WASF2: variants seen among roughly 807,000 people sequenced by gnomAD.
The protein encoded by WASF2 is actin-binding protein WASF2.
A neutral mutation model predicts 45.0 loss-of-function variants in WASF2; 14 were observed. The observed-to-expected ratio is 0.31, with a 90% CI of 0.21 to 0.49. WASF2 has a LOEUF of 0.49. Ranked by LOEUF, WASF2 falls within the 20% of genes least tolerant of loss-of-function variation. The probability of loss-of-function intolerance (pLI) is 0.99; values close to 1 mark genes in which losing one functional copy is unlikely to be tolerated. For synonymous variants in WASF2, 200 were observed against 236.3 expected, an observed-to-expected ratio of 0.85 and a Z score of 1.41; for missense variants, 439 against 636.1, an observed-to-expected ratio of 0.69 and a Z score of 3.33.
At chr1:27,476,918 C>T (rs2017773805) in intron 1 of WASF2, among the ~76,000 whole-genome samples, 1 of 152,108 alleles carries the variant, frequency 6.6e-6, no homozygotes, top group Admixed American at 6.6e-5. Context: ...AATTCAGTGA[C>T]AGAAAAATAG....
intron 1 of WASF2, among the ~76,000 whole-genome samples, chr1:27,488,241 G>C (rs189570187): frequency 2.0e-5 from 3 of 152,042 alleles, no homozygotes; most frequent in Non-Finnish European, 2.9e-5. Flanking sequence ...TTAACCAAAA[G>C]CTCTGAGGTT....
At position 27,456,441 on chromosome 1, in the gene WASF2, A is replaced by G. The variant is rs888544282; in HGVS notation, c.-43-27508T>C. 2.0e-5 allele frequency among the ~76,000 whole-genome samples: 3 copies of G among 152,096 alleles called. No homozygotes were observed. The South Asian group carries it at 6.2e-4, about 32-fold the overall frequency. ...GGAGTAGGAGCTAATGAAAAAGAAA[A>G]CAGGACAACTGGGTCCCCTTAGTAG... On this transcript the variant is annotated intron_variant, in intron 1 of 8. Transcript: ENST00000618852.
intron 1 of WASF2, among the ~76,000 whole-genome samples, chr1:27,480,743 G>A (rs767287435): frequency 2.0e-5 from 3 of 152,098 alleles, no homozygotes; most frequent in Non-Finnish European, 2.9e-5. Flanking sequence ...GGCCAGGTGC[G>A]GTGGCTCACG....
chr1:27,409,480 TAA>T (rs1391613601), intron 8 of WASF2, among the ~76,000 whole-genome samples: 2 of 149,470 alleles, frequency 1.3e-5, no homozygotes, highest in African/African-American at 4.9e-5. Flanking sequence ...TCCTTTACTT[TAA>T]ACCAAGGTGG....
intron 1 of WASF2, among the ~76,000 whole-genome samples, chr1:27,444,519 C>G (rs2017287633): frequency 6.6e-6 from 1 of 152,044 alleles, no homozygotes; most frequent in South Asian, 2.1e-4. Context: ...GACCTACCTC[C>G]TAGTAATGAA....
Position 27,410,005 on chromosome 1 carries a change from C to A in WASF2, c.1026G>T (p.Gly342=), listed in dbSNP as rs1273100240. ...AGGGTGGTGGAGGCGTCCCTGGAGACCCAAATCCTACAGGCGGTGGTGGAG... is the reference window on the plus strand; with the variant it reads ...AGGGTGGTGGAGGCGTCCCTGGAGAACCAAATCCTACAGGCGGTGGTGGAG... ...IPPPPPPVGF[G]SPGTPPPPSP... Residue 342 remains glycine, a synonymous_variant, in exon 8 of 9, where the codon GGG becomes GGT. Coordinates refer to ENST00000618852, the MANE Select transcript of WASF2 (RefSeq NM_006990.5). The surrounding 1 kb of genome is among the most constrained non-coding windows in gnomAD (Gnocchi z 4.2). 1.2e-6 allele frequency: 2 copies of A among 1,613,440 alleles called. No homozygotes were observed. The highest frequency in any genetic ancestry group is 2.2e-5 in the South Asian group (2 of 90,992).
chr1:27,477,622 G>A (rs1008247557), intron 1 of WASF2, among the ~76,000 whole-genome samples: 12 of 104,144 alleles, frequency 1.2e-4, no homozygotes, highest in African/African-American at 1.7e-4. Context: ...TAAATCGGCC[G>A]GGCGCGGTGG....
chr1:27,427,070 CTCTTAT>C (rs1161643955), intron 2 of WASF2, among the ~76,000 whole-genome samples: 13 of 152,218 alleles, frequency 8.5e-5, no homozygotes, highest in East Asian at 5.8e-4. Context: ...TTATTATTGC[CTCTTAT>C]TCTTATTCTT....
intron 1 of WASF2, among the ~76,000 whole-genome samples, chr1:27,463,401 G>A (rs1020220645): frequency 9.9e-5 from 15 of 152,004 alleles, no homozygotes; most frequent in Admixed American, 7.2e-4. Context: ...TGAGGCAGGC[G>A]GATCTTGAGG....
At chr1:27,432,238 C>T (rs1160194372) in intron 1 of WASF2, among the ~76,000 whole-genome samples, 1 of 152,132 alleles carries the variant, frequency 6.6e-6, no homozygotes, top group African/African-American at 2.4e-5. Flanking sequence ...GGAGTCGACA[C>T]ATTCTTAGGT....
intron 1 of WASF2, among the ~76,000 whole-genome samples, chr1:27,466,002 G>A (rs2017607319): frequency 1.3e-5 from 2 of 152,214 alleles, no homozygotes; most frequent in Admixed American, 6.5e-5. Context: ...TAACTGCAAT[G>A]GATTAAAACA....
chr1:27,456,922 A>G (rs951633877), intron 1 of WASF2, among the ~76,000 whole-genome samples: 2 of 151,744 alleles, frequency 1.3e-5, no homozygotes, highest in African/African-American at 4.8e-5. Flanking sequence ...TTGTATTTTT[A>G]GTAGAGATGG....
chr1:27,439,195 A>C (rs928578509), intron 1 of WASF2, among the ~76,000 whole-genome samples: 2 of 152,228 alleles, frequency 1.3e-5, no homozygotes, highest in African/African-American at 4.8e-5. Context: ...TAGCCTGTTA[A>C]ATCATTATCA....
chr1:27,425,783 G>A (rs1297745804), intron 2 of WASF2, among the ~76,000 whole-genome samples: 1 of 148,924 alleles, frequency 6.7e-6, no homozygotes, highest in African/African-American at 2.5e-5. Flanking sequence ...AGCTTGCAGT[G>A]AGCCGAGGTG....
chr1:27,413,868 T>C (rs2016795646), intron 6 of WASF2, among the ~76,000 whole-genome samples: 1 of 152,240 alleles, frequency 6.6e-6, no homozygotes. Context: ...TCAGGGCTGA[T>C]TTCCCAGTAG....
intron 2 of WASF2, among the ~76,000 whole-genome samples, chr1:27,422,789 T>C: frequency 6.6e-6 from 1 of 151,992 alleles, no homozygotes; most frequent in East Asian, 1.9e-4. Context: ...AAAATGTGAG[T>C]TGTTACAATG....
At chr1:27,442,727 G>T (rs1311397903) in intron 1 of WASF2, among the ~76,000 whole-genome samples, 1 of 151,872 alleles carries the variant, frequency 6.6e-6, no homozygotes, top group Non-Finnish European at 1.5e-5. Flanking sequence ...AAAGGGCCGG[G>T]CGTGGTGGCT....
chr1:27,410,997 T>G lies in WASF2; in HGVS notation c.825-791A>C, dbSNP rs1009425661. Among the ~76,000 whole-genome samples the G allele has an allele frequency of 6.6e-6, 1 of 152,192 alleles. No individual in the cohort carries two copies. The highest frequency in any genetic ancestry group is 1.5e-5 in the Non-Finnish European group (1 of 68,018). On this transcript the variant is annotated intron_variant, in intron 7 of 8. Coordinates refer to ENST00000618852, the MANE Select transcript of WASF2 (RefSeq NM_006990.5). The surrounding 1 kb of genome is among the most constrained non-coding windows in gnomAD (Gnocchi z 4.2). ...CTACCCTGCACTAACAGCTACTCCTTAGAAAAGCAGCCATTTTGGAATTTT... is the reference window on the plus strand; with the variant it reads ...CTACCCTGCACTAACAGCTACTCCTGAGAAAAGCAGCCATTTTGGAATTTT...
Position 27,478,067 on chromosome 1 carries a change from C to T in WASF2, c.-44+11919G>A, listed in dbSNP as rs1454197135. On this transcript the variant is annotated intron_variant, in intron 1 of 8. Coordinates refer to ENST00000618852, the MANE Select transcript of WASF2 (RefSeq NM_006990.5). ...AGGAGTTCAAGACCAACCTGACCAACATGGTGAAACCCCCGTCTCTACTAA... is the reference window on the plus strand; with the variant it reads ...AGGAGTTCAAGACCAACCTGACCAATATGGTGAAACCCCCGTCTCTACTAA... Among the ~76,000 whole-genome samples, 5 of 150,332 alleles carry T rather than the reference C, an allele frequency of 3.3e-5. No homozygotes were observed. In the East Asian group the frequency reaches 9.8e-4, roughly 29 times the overall value.
Sources: allele counts gnomAD v4.1 joint callset (sites outside exome capture counted in the v4.1 genomes callset), GRCh38; gene constraint gnomAD v4.1.1; non-coding constraint Gnocchi (gnomAD v3.1); transcripts MANE v1.5; gene names NCBI Gene and HGNC (gene_info 2026-07-23, HGNC 2026-07-21).